Variants in PDS5B observed in about 807,000 individuals in gnomAD.
PDS5B encodes the protein PDS5 cohesin associated factor B, also known as sister chromatid cohesion protein PDS5 homolog B.
A neutral mutation model predicts 184.1 loss-of-function variants in PDS5B; 51 were observed. The ratio of observed to expected loss-of-function variants is 0.28; its 90% CI spans 0.22 to 0.35. The LOEUF (loss-of-function observed/expected upper bound fraction) is 0.35. Ranked by LOEUF, PDS5B falls within the 10% of genes least tolerant of loss-of-function variation. The pLI is 1.00. For missense variants in PDS5B, 1,180 were observed against 1,723.3 expected (o/e 0.68, Z 5.58); for synonymous variants, 566 against 569.2 (o/e 0.99, Z 0.08).
Position 32,699,836 on chromosome 13 carries a change from A to G in PDS5B, c.1707A>G (p.Pro569=), listed in dbSNP as rs371816913. Residue 569 remains proline (P), a synonymous_variant, in exon 16 of 35, where the codon CCA becomes CCG. Coordinates refer to ENST00000315596, the MANE Select transcript of PDS5B (RefSeq NM_015032.4). ...AGCAGTTAGAAGTACTTGTTAGTCC[A>G]ACATGCTCCTGCAAGCAGGCTGAAG... ...IRKQLEVLVS[P]TCSCKQAEGC... 1 of 1,575,700 alleles carries G rather than the reference A, an allele frequency of 6.3e-7. No homozygotes were observed. The highest frequency in any genetic ancestry group is 8.6e-7 in the Non-Finnish European group (1 of 1,165,188).
intron 1 of PDS5B, among the ~76,000 whole-genome samples, chr13:32,620,685 A>G (rs993189926): frequency 1.3e-5 from 2 of 150,880 alleles, no homozygotes; most frequent in African/African-American, 2.4e-5. Context: ...AGTGGTAGTG[A>G]TAACGGGATT....
Position 32,735,220 on chromosome 13 carries a change from C to G in PDS5B, c.2296C>G (p.Pro766Ala). The G allele has an allele frequency of 6.2e-7, 1 of 1,611,886 alleles. No homozygotes were observed. The highest frequency in any genetic ancestry group is 1.3e-5 in the African/African-American group (1 of 75,002). Residue 766 changes from proline (P) to alanine (A), a missense_variant, in exon 21 of 35, where the codon CCA becomes GCA. Pro to Ala is a conservative substitution (Grantham distance 27). Transcript: ENST00000315596. ...AAGCAACCTGGAACATCTCATAACACCATTGGTTACTATTGGTCATATTGC... is the reference window on the plus strand; with the variant it reads ...AAGCAACCTGGAACATCTCATAACAGCATTGGTTACTATTGGTCATATTGC... ...DPSNLEHLIT[P>A]LVTIGHIALL...
intron 1 of PDS5B, among the ~76,000 whole-genome samples, chr13:32,643,521 A>G (rs1291659964): frequency 6.6e-6 from 1 of 152,058 alleles, no homozygotes; most frequent in African/African-American, 2.4e-5. Flanking sequence ...ACTTTTTTTC[A>G]TATACAGTTG....
rs3050179 is a variant in PDS5B, at chr13:32,741,699, CTGTGTGTGTGTGTGTGTGTGTGTG to C, written c.2475+571_2475+594del. Among the ~76,000 whole-genome samples the C allele has an allele frequency of 1.7e-4, 23 of 139,276 alleles. No individual in the cohort carries two copies. The South Asian group carries it at 4.3e-3, about 26-fold the overall frequency. The allele number at this position is 139,276 out of a possible 152,430, so 91.4% of individuals were successfully genotyped here. A position where few individuals can be genotyped will look rare whatever the true frequency, so the allele number is the denominator to read the frequency against. ...GTAATTTCTTATAAACCCTTTCAGT[CTGTGTGTGTGTGTGTGTGTGTGTG>C]TGTGTGTGTGTGTGTGTGTATTTGT... On this transcript the variant is annotated intron_variant, in intron 22 of 34. Transcript: ENST00000315596.
chr13:32,591,666 A>T (rs1025310457), intron 1 of PDS5B, among the ~76,000 whole-genome samples: 5 of 152,206 alleles, frequency 3.3e-5, no homozygotes, highest in African/African-American at 1.2e-4. Flanking sequence ...TGCCAATTTG[A>T]TATATGAAAT....
intron 3 of PDS5B, among the ~76,000 whole-genome samples, chr13:32,655,377 T>TATGTATATATATATATATA (rs1566290710): frequency 1.4e-5 from 1 of 69,516 alleles, no homozygotes; most frequent in Non-Finnish European, 2.6e-5. Flanking sequence ...TATATATATT[T>TATGTATATATATATATATA]TTTTTTTTTT....
At chr13:32,730,303 A>T (rs1019231200) in intron 19 of PDS5B, among the ~76,000 whole-genome samples, 3 of 151,874 alleles carry the variant, frequency 2.0e-5, no homozygotes, top group Admixed American at 2.0e-4. Flanking sequence ...CCATTGGTCT[A>T]TTTATCTGTT....
chr13:32,659,126 T>G (rs1411712848), intron 5 of PDS5B, 28 bp from the exon 6 acceptor site: 6 of 1,502,388 alleles, frequency 4.0e-6, no homozygotes, highest in East Asian at 2.3e-5. Flanking sequence ...TCAGTTGTAA[T>G]TGAAACAAAA....
intron 30 of PDS5B, among the ~76,000 whole-genome samples, chr13:32,762,680 C>T (rs543625947): frequency 2.0e-5 from 3 of 152,112 alleles, no homozygotes; most frequent in Non-Finnish European, 4.4e-5. Flanking sequence ...CTTCCCCCCT[C>T]TATATTTTTT....
chr13:32,762,552 C>G (rs1954443083), intron 30 of PDS5B, among the ~76,000 whole-genome samples: 1 of 152,100 alleles, frequency 6.6e-6, no homozygotes, highest in African/African-American at 2.4e-5. Context: ...TTTAACATGA[C>G]CAGAAACATT....
intron 31 of PDS5B, among the ~76,000 whole-genome samples, chr13:32,766,547 T>C (rs1954594126): frequency 6.6e-6 from 1 of 152,160 alleles, no homozygotes; most frequent in Admixed American, 6.5e-5. Context: ...ATGAGTATTA[T>C]GAGACACAAG....
At chr13:32,726,920 A>G (rs1952919675) in intron 19 of PDS5B, among the ~76,000 whole-genome samples, 1 of 152,140 alleles carries the variant, frequency 6.6e-6, no homozygotes, top group South Asian at 2.1e-4. Flanking sequence ...TTAAAGAAAA[A>G]GTTTATTTAT....
At chr13:32,677,688 T>C (rs994582984) in intron 9 of PDS5B, among the ~76,000 whole-genome samples, 20 of 152,012 alleles carry the variant, frequency 1.3e-4, no homozygotes, top group Non-Finnish European at 2.9e-4. Flanking sequence ...CTTTTTTTTT[T>C]CTAATTTTTA....
intron 3 of PDS5B, among the ~76,000 whole-genome samples, chr13:32,656,226 A>G (rs1274079700): frequency 1.4e-5 from 2 of 145,646 alleles, no homozygotes; most frequent in African/African-American, 5.1e-5. Context: ...TGGTTACTGT[A>G]GCCTTGTAGT....
At chr13:32,650,634 TAATAA>T (rs1239234648) in intron 2 of PDS5B, 1 of 152,154 alleles carries the variant, frequency 6.6e-6, no homozygotes, top group African/African-American at 2.4e-5. Flanking sequence ...ATCTTAAAAG[TAATAA>T]AATAAAAAAG....
Position 32,694,215 on chromosome 13 carries a change from T to A in PDS5B, c.1470-8T>A, listed in dbSNP as rs773941817. ...TGTTATTTAAATGTGTATGTTTGTG[T>A]TTTTCAGAGCATTGAATGAAATGTG... On this transcript the variant is annotated splice_region_variant and splice_polypyrimidine_tract_variant and intron_variant, in intron 13 of 34. Coordinates refer to ENST00000315596, the MANE Select transcript of PDS5B (RefSeq NM_015032.4). The A allele has an allele frequency of 1.9e-6, 3 of 1,582,892 alleles. No individual in the cohort carries two copies. Among genetic ancestry groups the A allele is most frequent in the African/African-American group, 1.4e-5 (1 of 73,794 alleles).
chr13:32,695,731 T>C (rs544579364), intron 14 of PDS5B, among the ~76,000 whole-genome samples: 2 of 152,012 alleles, frequency 1.3e-5, no homozygotes, highest in Non-Finnish European at 2.9e-5. Flanking sequence ...CCTCTAAAAT[T>C]TATGTATTTA....
chr13:32,634,861 A>G (rs1215908752), intron 1 of PDS5B, among the ~76,000 whole-genome samples: 1 of 151,696 alleles, frequency 6.6e-6, no homozygotes, highest in Non-Finnish European at 1.5e-5. Context: ...GATTACAGGC[A>G]TGAGCCACCG....
In PDS5B at chr13:32,759,682, C is replaced by A; in HGVS notation, c.3364C>A (p.Pro1122Thr). The A allele has an allele frequency of 6.5e-7, 1 of 1,543,992 alleles. No individual in the cohort carries two copies. The highest frequency in any genetic ancestry group is 1.7e-4 in the Middle Eastern group (1 of 5,902). The change falls in exon 29 of 35, where the codon CCT (proline) becomes ACT (threonine). Residue 1122 changes from proline to threonine, a missense_variant. Physicochemically the swap from Pro to Thr is conservative, Grantham distance 38. This residue lies in a region of PDS5B where 465 missense variants were observed against 497.8 expected (regional missense o/e 0.93). Coordinates refer to ENST00000315596, the MANE Select transcript of PDS5B (RefSeq NM_015032.4). ...TCCTGAAATGAAATCATTTTTCACT[C>A]CTGGAAAAGTATGTTTTGAGAATCA... is the stretch of plus-strand genomic sequence containing the variant. ...LPPEMKSFFT[P>T]GKPKTTNVLG...
Sources: gnomAD v4.1 joint callset for allele counts (sites outside exome capture counted in the v4.1 genomes callset) on GRCh38, gnomAD v4.1.1 for gene constraint, gnomAD v4.1.1 regional missense constraint, MANE v1.5 for transcripts, NCBI Gene and HGNC (gene_info 2026-07-23, HGNC 2026-07-21) for gene names.